The following IQGAP3 variants were observed in gnomAD, a reference collection of about 807,000 sequenced individuals.
IQGAP3 encodes ras GTPase-activating-like protein IQGAP3.
In IQGAP3, 165 loss-of-function variants were observed where a neutral mutation model predicts 208.2. The observed-to-expected ratio is 0.79, with a 90% CI of 0.70 to 0.90. The LOEUF (loss-of-function observed/expected upper bound fraction) is 0.90, where lower values mean the gene tolerates loss of function less well. Among genes scored for constraint, IQGAP3 ranks in the 40% least tolerant of loss-of-function variants. The probability of loss-of-function intolerance (pLI) is 0.00; values close to 1 mark genes in which losing one functional copy is unlikely to be tolerated. For synonymous variants in IQGAP3, 703 were observed against 803.6 expected, an observed-to-expected ratio of 0.87 and a Z score of 2.12; for missense variants, 1,811 against 2,043.1, an observed-to-expected ratio of 0.89 and a Z score of 2.19.
At chr1:156,545,570 G>A (rs1177048292) in intron 19 of IQGAP3, among the ~76,000 whole-genome samples, 1 of 150,150 alleles carries the variant, frequency 6.7e-6, no homozygotes. Flanking sequence ...TGCTGTCATG[G>A]CTCACTGCAG....
Position 156,569,816 on chromosome 1 carries a change from C to A in IQGAP3, c.38-353G>T, listed in dbSNP as rs115867715. ...TTACAGGCTTGAGCCGCCACCATGC[C>A]CAGCCGAAACATCTTCTCAACAGAC... is the stretch of plus-strand genomic sequence containing the variant. On this transcript the variant is annotated intron_variant, in intron 1 of 37. Transcript: ENST00000361170. Among the ~76,000 whole-genome samples the A allele has an allele frequency of 9.8e-3, 1,485 of 152,256 alleles. 29 individuals are homozygous for A. The highest frequency in any genetic ancestry group is 0.034 in the African/African-American group (1,400 of 41,532).
intron 34 of IQGAP3, among the ~76,000 whole-genome samples, 178 bp downstream of exon 34, chr1:156,529,927 A>AAAAAAAAG (rs1214786764): frequency 1.3e-5 from 2 of 151,404 alleles, no homozygotes; most frequent in African/African-American, 2.4e-5. Flanking sequence ...AAAAAAAAAA[A>AAAAAAAAG]AAAAAAAGAA....
chr1:156,563,720 C>A (rs776799267), intron 6 of IQGAP3, 37 bp downstream of exon 6: 7 of 1,606,690 alleles, frequency 4.4e-6, no homozygotes, highest in Non-Finnish European at 6.0e-6. Context: ...CAAGACCCTG[C>A]CCAGGCTGTG....
chr1:156,545,216 G>T (rs1675178850), intron 19 of IQGAP3, among the ~76,000 whole-genome samples: 1 of 152,044 alleles, frequency 6.6e-6, no homozygotes, highest in Non-Finnish European at 1.5e-5. Flanking sequence ...AAAATCTCAA[G>T]GCCCTCTTCC....
chr1:156,536,412 T>C (rs970556751), intron 27 of IQGAP3, among the ~76,000 whole-genome samples: 1 of 152,174 alleles, frequency 6.6e-6, no homozygotes, highest in African/African-American at 2.4e-5. Context: ...ATATGTGGAA[T>C]CTTAAAAAGG....
intron 19 of IQGAP3, among the ~76,000 whole-genome samples, chr1:156,546,874 G>T (rs1455981947): frequency 6.6e-6 from 1 of 152,178 alleles, no homozygotes; most frequent in Non-Finnish European, 1.5e-5. Context: ...GTCCTCTGGT[G>T]TTGTCTTCAT....
In IQGAP3 at chr1:156,556,578, C is replaced by T. The variant is rs34789736; in HGVS notation, c.1245G>A (p.Ser415=). ...AQLPPVYPVA[S]SMYQLELAVL... is the part of the protein sequence containing the mutation. ...CTGCCAGCTCCAGCTGGTACATAGA[C>T]GATGCAACAGGGTACACTGGAGGCA... is the stretch of plus-strand genomic sequence containing the variant. The change falls in exon 12 of 38, where the codon TCG becomes TCA. Residue 415 remains serine (S), a synonymous_variant. Coordinates refer to ENST00000361170, the MANE Select transcript of IQGAP3 (RefSeq NM_178229.5). 1,761 of 1,613,656 alleles carry T rather than the reference C, an allele frequency of 1.1e-3. 15 individuals are homozygous for T. The African/African-American group carries it at 0.019, about 17-fold the overall frequency.
At chr1:156,561,067 A>G in intron 10 of IQGAP3, 46 bp from the exon 11 acceptor site, 1 of 1,407,372 alleles carries the variant, frequency 7.1e-7, no homozygotes. Flanking sequence ...TTCCGGGGCC[A>G]TGACCATGCT....
intron 19 of IQGAP3, among the ~76,000 whole-genome samples, chr1:156,546,794 C>T (rs1200201420): frequency 6.6e-6 from 1 of 152,194 alleles, no homozygotes; most frequent in African/African-American, 2.4e-5. Context: ...CTCTCAATTA[C>T]CCCCCAACAC....
Position 156,532,989 on chromosome 1 carries a change from A to C in IQGAP3, c.4094T>G (p.Leu1365Arg). 6.2e-7 allele frequency: 1 copy of C among 1,613,992 alleles called. No individual in the cohort carries two copies. The highest frequency in any genetic ancestry group is 1.7e-5 in the Admixed American group (1 of 60,022). The part of the protein sequence containing the change: ...ADADDSNTRS[L>R]LLSTKQLLAD... Reference sequence around the variant, plus strand: ...GGCTGGCATCACCCACCTCAGAAGCAGGCTACGGGTGTTGGAGTCATCAGC... The same window carrying C: ...GGCTGGCATCACCCACCTCAGAAGCCGGCTACGGGTGTTGGAGTCATCAGC... The change falls in exon 32 of 38, where the codon CTG (leucine) becomes CGG (arginine). Residue 1365 changes from leucine (L) to arginine (R), a missense_variant. Coordinates refer to ENST00000361170, the MANE Select transcript of IQGAP3 (RefSeq NM_178229.5).
Position 156,538,894 on chromosome 1 carries a change from C to G in IQGAP3, c.3196G>C (p.Asp1066His). ...TCTGTGTGGACGCTGAGCACTTTGT[C>G]TTCTAGCACATCCTGGATAACCTTG... ...LGKVIQDVLEDKVLSVHTDPV... is the reference protein window; with the variant it reads ...LGKVIQDVLEHKVLSVHTDPV... Residue 1066 changes from aspartate (D) to histidine (H), a missense_variant, in exon 26 of 38, where the codon GAC (aspartate) becomes CAC (histidine). Physicochemically the swap from Asp to His is moderately conservative, Grantham distance 81. Coordinates refer to ENST00000361170, the MANE Select transcript of IQGAP3 (RefSeq NM_178229.5). 1 of 1,614,192 alleles carries G rather than the reference C, an allele frequency of 6.2e-7. No individual in the cohort carries two copies. Among genetic ancestry groups the G allele is most frequent in the Non-Finnish European group, 8.5e-7 (1 of 1,180,040 alleles).
At position 156,533,021 on chromosome 1, in the gene IQGAP3, C is replaced by T; in HGVS notation, c.4062G>A (p.Glu1354=). The part of the protein sequence containing the change: ...LTLTNKFEGL[E]ADADDSNTRS... Reference sequence around the variant, plus strand: ...GGGTGTTGGAGTCATCAGCATCTGCCTCTAGTCCTTCAAACTTGTTGGTCA... The same window carrying T: ...GGGTGTTGGAGTCATCAGCATCTGCTTCTAGTCCTTCAAACTTGTTGGTCA... The change falls in exon 32 of 38, where the codon GAG becomes GAA. Residue 1354 remains glutamate, a synonymous_variant. Transcript: ENST00000361170. 1.2e-6 allele frequency: 2 copies of T among 1,614,114 alleles called. No individual in the cohort carries two copies. The highest frequency in any genetic ancestry group is 1.7e-6 in the Non-Finnish European group (2 of 1,179,996).
Position 156,543,998 on chromosome 1 carries a change from T to C in IQGAP3, c.2513A>G (p.Asp838Gly). 2 of 1,614,166 alleles carry C rather than the reference T, an allele frequency of 1.2e-6. No individual in the cohort carries two copies. Among genetic ancestry groups the C allele is most frequent in the Non-Finnish European group, 1.7e-6 (2 of 1,180,004 alleles). ...QAFFRARKAQDDYRILVHAPH... is the reference protein window; with the variant it reads ...QAFFRARKAQGDYRILVHAPH... ...CAGCTCACCTAATATCCTGTAGTCA[T>C]CTTGGGCTTTCCTGGCTCGGAAAAA... Residue 838 changes from aspartate to glycine, a missense_variant, in exon 22 of 38, where the codon GAT (aspartate) becomes GGT (glycine). By Grantham distance (94) the Asp-to-Gly change is moderately conservative. Coordinates refer to ENST00000361170, the MANE Select transcript of IQGAP3 (RefSeq NM_178229.5).
chr1:156,549,736 T>G (rs1478016582), intron 16 of IQGAP3, among the ~76,000 whole-genome samples: 1 of 152,152 alleles, frequency 6.6e-6, no homozygotes, highest in East Asian at 1.9e-4. Context: ...AGCATCTGCC[T>G]TCCACTCACT....
intron 11 of IQGAP3, among the ~76,000 whole-genome samples, chr1:156,556,935 T>TAAGGTGGTGA (rs143644649): frequency 9.6e-5 from 4 of 41,686 alleles, no homozygotes; most frequent in African/African-American, 2.3e-4. Flanking sequence ...GCTCAGCCTC[T>TAAGGTGGTGA]GCCCCGCCGC....
chr1:156,561,900 T>A lies in IQGAP3; in HGVS notation c.979A>T (p.Arg327Trp), dbSNP rs147279530. 18 of 1,613,888 alleles carry A rather than the reference T, an allele frequency of 1.1e-5. No individual in the cohort carries two copies. Among genetic ancestry groups the A allele is most frequent in the Non-Finnish European group, 1.4e-5 (16 of 1,179,980 alleles). Reference protein sequence around the residue: ...QDPALALRGVRRDFADWYLEQ... With the variant: ...QDPALALRGVWRDFADWYLEQ... Reference sequence around the variant, plus strand: ...AGGTACCAGTCAGCAAAGTCTCTCCTCACCCCTCGCAGGGCCAGGGCAGGG... The same window carrying A: ...AGGTACCAGTCAGCAAAGTCTCTCCACACCCCTCGCAGGGCCAGGGCAGGG... The change falls in exon 10 of 38, where the codon AGG (arginine) becomes TGG (tryptophan). Residue 327 changes from arginine (R) to tryptophan (W), a missense_variant. Arg to Trp is a moderately radical substitution (Grantham distance 101, BLOSUM62 -3). Coordinates refer to ENST00000361170, the MANE Select transcript of IQGAP3 (RefSeq NM_178229.5).
rs751341974 is a variant in IQGAP3, at chr1:156,550,334, T to G, written c.1752A>C (p.Gly584=). The change falls in exon 16 of 38, where the codon GGA becomes GGC. Residue 584 remains glycine, a synonymous_variant. Transcript: ENST00000361170. The stretch of plus-strand genomic sequence containing the variant: ...GGATCTCCTCAAGCCACAGCACAGC[T>G]CCAGGATCCCCTGTCACCTGGCAGA... ...RQKAQVTGDP[G]AVLWLEEIRQ... is the part of the protein sequence containing the mutation. 8.1e-6 allele frequency: 13 copies of G among 1,613,524 alleles called. No individual in the cohort carries two copies. In the African/African-American group the frequency reaches 1.7e-4, roughly 22 times the overall value.
chr1:156,531,241 C>G lies in IQGAP3; in HGVS notation c.4110G>C (p.Lys1370Asn). ...SNTRSLLLSTKQLLADIIQFH... is the reference protein window; with the variant it reads ...SNTRSLLLSTNQLLADIIQFH... Reference sequence around the variant, plus strand: ...ACTGTATGATATCGGCCAACAGCTGCTTGGTGCTGCACAAGGAGGACAGTG... The same window carrying G: ...ACTGTATGATATCGGCCAACAGCTGGTTGGTGCTGCACAAGGAGGACAGTG... The change falls in exon 33 of 38, where the codon AAG (lysine) becomes AAC (asparagine). Residue 1370 changes from lysine (K) to asparagine (N), a missense_variant. Physicochemically the swap from Lys to Asn is moderately conservative, Grantham distance 94. Coordinates refer to ENST00000361170, the MANE Select transcript of IQGAP3 (RefSeq NM_178229.5). 2 of 1,613,374 alleles carry G rather than the reference C, an allele frequency of 1.2e-6. No individual in the cohort carries two copies.
intron 37 of IQGAP3, among the ~76,000 whole-genome samples, chr1:156,526,994 G>A (rs113892005): frequency 0.066 from 10,059 of 151,630 alleles, 398 homozygotes; most frequent in Middle Eastern, 0.088. Flanking sequence ...CACCACGCCA[G>A]GCTAATTTTT....
Sources: allele counts gnomAD v4.1 joint callset (sites outside exome capture counted in the v4.1 genomes callset), GRCh38; gene constraint gnomAD v4.1.1; transcripts MANE v1.5; gene names NCBI Gene and HGNC (gene_info 2026-07-23, HGNC 2026-07-21).